Variants in ANOS1 observed in about 807,000 individuals in gnomAD.
ANOS1 encodes the protein anosmin-1.
ANOS1 carries 6 observed loss-of-function variants against 59.0 expected under a neutral mutation model. The observed-to-expected ratio is 0.10, with a 90% CI of 0.06 to 0.20. The LOEUF (loss-of-function observed/expected upper bound fraction) is 0.20, where lower values mean the gene tolerates loss of function less well. Among genes scored for constraint, ANOS1 ranks in the 10% least tolerant of loss-of-function variants. The probability of loss-of-function intolerance (pLI) is 1.00; values close to 1 mark genes in which losing one functional copy is unlikely to be tolerated. For missense variants in ANOS1, 433 were observed against 542.3 expected (o/e 0.80, Z 2.00); for synonymous variants, 217 against 223.4 (o/e 0.97, Z 0.25).
intron 8 of ANOS1, chrX:8,565,909 G>T: frequency 1.8e-6 from 1 of 570,072 alleles, no homozygotes; most frequent in Non-Finnish European, 2.1e-6. Context: ...TGGTCAGGGT[G>T]GGAGGGCAGG....
At chrX:8,602,260 T>G (rs2214990) in intron 3 of ANOS1, among the ~76,000 whole-genome samples, 41,014 of 110,713 alleles carry the variant, frequency 0.37, 5,480 homozygotes, top group South Asian at 0.43. Context: ...TAATAATAGT[T>G]TAATGAGAAT....
Position 8,568,239 on chromosome X carries a change from G to T in ANOS1, c.1200C>A (p.Thr400=), listed in dbSNP as rs781124176. The T allele has an allele frequency of 1.7e-6, 2 of 1,209,850 alleles. No homozygotes were observed. The highest frequency in any genetic ancestry group is 3.5e-5 in the South Asian group (2 of 56,782). ...VSLHFTSTHA[T]NNKEQLVKTR... ...CATGACACAGTCACTTACTGTTGTT[G>T]GTTGCATGTGTCGATGTGAAGTGAA... The change falls in exon 8 of 14, where the codon ACC becomes ACA. Residue 400 remains threonine, a synonymous_variant. Transcript: ENST00000262648.
rs1932831097 is a variant in ANOS1, at chrX:8,714,539, TA to T, written c.208-14795del. ...GAAAAAACGTACCGTGCCCCAGAGA[TA>T]AAAACTATTATTTCCATGTGCTTCC... On this transcript the variant is annotated intron_variant, in intron 1 of 13. Coordinates refer to ENST00000262648, the MANE Select transcript of ANOS1 (RefSeq NM_000216.4). Among the ~76,000 whole-genome samples, 4 of 111,334 alleles carry T rather than the reference TA, an allele frequency of 3.6e-5. No individual in the cohort carries two copies. The South Asian group carries it at 1.5e-3, about 42-fold the overall frequency.
chrX:8,567,630 C>A (rs1434935370), intron 8 of ANOS1, among the ~76,000 whole-genome samples: 1 of 111,429 alleles, frequency 9.0e-6, no homozygotes, highest in African/African-American at 3.3e-5. Context: ...CCTGTCTCTA[C>A]TAAAAATACA....
intron 8 of ANOS1, among the ~76,000 whole-genome samples, chrX:8,559,062 TG>T (rs1261481218): frequency 8.9e-6 from 1 of 111,872 alleles, no homozygotes; most frequent in Non-Finnish European, 1.9e-5. Flanking sequence ...ATAAAGTTTT[TG>T]TACCTGAGGG....
At chrX:8,613,584 A>G (rs1458633276) in intron 3 of ANOS1, among the ~76,000 whole-genome samples, 2 of 110,714 alleles carry the variant, frequency 1.8e-5, no homozygotes, top group Non-Finnish European at 3.8e-5. Flanking sequence ...ATAGACTATC[A>G]CTGCACAAAT....
intron 5 of ANOS1, among the ~76,000 whole-genome samples, chrX:8,587,034 T>A (rs970618250): frequency 2.7e-5 from 3 of 109,555 alleles, no homozygotes; most frequent in Admixed American, 9.9e-5. Flanking sequence ...CCTATAGACA[T>A]AGATGTGGAG....
At chrX:8,690,256 A>G (rs772646594) in intron 2 of ANOS1, among the ~76,000 whole-genome samples, 1 of 112,222 alleles carries the variant, frequency 8.9e-6, no homozygotes, top group South Asian at 3.7e-4. Context: ...ACAAGCCTGC[A>G]CTTCTCCTGA....
At chrX:8,558,101 TCATAAGTGGGAGTTGAA>T (rs1340542171) in intron 8 of ANOS1, among the ~76,000 whole-genome samples, 6 of 107,699 alleles carry the variant, frequency 5.6e-5, no homozygotes, top group Non-Finnish European at 1.1e-4. Flanking sequence ...ATGTTCTCAC[TCATAAGTGGGAGTTGAA>T]CAATGAGAAC....
intron 2 of ANOS1, among the ~76,000 whole-genome samples, chrX:8,684,745 G>T (rs1388056703): frequency 1.8e-5 from 2 of 109,489 alleles, no homozygotes. Flanking sequence ...CGAAGCCATT[G>T]TGAAGTTTCT....
At chrX:8,724,705 T>C (rs1300346453) in intron 1 of ANOS1, among the ~76,000 whole-genome samples, 1 of 112,170 alleles carries the variant, frequency 8.9e-6, no homozygotes, top group Non-Finnish European at 1.9e-5. Context: ...GGTCAACAAC[T>C]GCATCGACTG....
chrX:8,584,817 C>G (rs1429720537), intron 6 of ANOS1, among the ~76,000 whole-genome samples: 2 of 112,022 alleles, frequency 1.8e-5, no homozygotes, highest in Non-Finnish European at 3.8e-5. Context: ...GATTAAATGA[C>G]TCAGGAGGGG....
intron 3 of ANOS1, among the ~76,000 whole-genome samples, chrX:8,600,295 G>A (rs1930818985): frequency 8.9e-6 from 1 of 112,243 alleles, no homozygotes; most frequent in African/African-American, 3.2e-5. Flanking sequence ...TTTAGTGGAT[G>A]ACAAAGCATT....
chrX:8,672,730 C>A (rs896477302), intron 2 of ANOS1, among the ~76,000 whole-genome samples: 1 of 111,630 alleles, frequency 9.0e-6, no homozygotes, highest in Non-Finnish European at 1.9e-5. Context: ...GGGTGTTCGA[C>A]CTGAACACTA....
intron 3 of ANOS1, among the ~76,000 whole-genome samples, chrX:8,616,511 A>G (rs1241240777): frequency 9.0e-6 from 1 of 111,232 alleles, no homozygotes; most frequent in African/African-American, 3.3e-5. Flanking sequence ...CCAAACTCCT[A>G]TGCCTGTTTC....
At chrX:8,599,374 T>G (rs1293932193) in intron 3 of ANOS1, among the ~76,000 whole-genome samples, 1 of 111,426 alleles carries the variant, frequency 9.0e-6, no homozygotes. Context: ...ATCAAGCAGC[T>G]CAGTGCCAGC....
chrX:8,576,517 C>CACAG (rs1930329541), intron 6 of ANOS1, among the ~76,000 whole-genome samples: 1 of 107,651 alleles, frequency 9.3e-6, no homozygotes, highest in Admixed American at 1.0e-4. Flanking sequence ...CACACACACA[C>CACAG]ATATATAGAT....
chrX:8,660,383 G>A (rs1269042107), intron 2 of ANOS1, among the ~76,000 whole-genome samples: 1 of 111,742 alleles, frequency 8.9e-6, no homozygotes, highest in African/African-American at 3.3e-5. Flanking sequence ...TCCCTGATGA[G>A]TTATTAATAC....
intron 2 of ANOS1, among the ~76,000 whole-genome samples, chrX:8,682,304 GAAAA>G (rs1209359282): frequency 2.6e-5 from 2 of 77,680 alleles, no homozygotes; most frequent in Admixed American, 2.8e-4. Flanking sequence ...CTACAGAGAA[GAAAA>G]AAAAAAAAAG....
Sources: allele counts gnomAD v4.1 joint callset (sites outside exome capture counted in the v4.1 genomes callset), GRCh38; gene constraint gnomAD v4.1.1; transcripts MANE v1.5; gene names NCBI Gene and HGNC (gene_info 2026-07-23, HGNC 2026-07-21).